The following SBF2 variants were observed in gnomAD, a reference collection of about 807,000 sequenced individuals.
SBF2 encodes the protein SET binding factor 2.
In SBF2, 112 loss-of-function variants were observed where a neutral mutation model predicts 225.2. That is an observed-to-expected ratio of 0.50 (90% CI 0.43 to 0.58). SBF2 has a LOEUF of 0.58. Ranked by LOEUF, SBF2 falls within the 20% of genes least tolerant of loss-of-function variation. SBF2 has a pLI of 0.00. For synonymous variants in SBF2, 763 were observed against 773.3 expected, an observed-to-expected ratio of 0.99 and a Z score of 0.22; for missense variants, 1,996 against 2,206.2, an observed-to-expected ratio of 0.90 and a Z score of 1.91.
chr11:10,192,978 C>A (rs962940220), intron 2 of SBF2, among the ~76,000 whole-genome samples: 1 of 152,164 alleles, frequency 6.6e-6, no homozygotes, highest in Non-Finnish European at 1.5e-5. Context: ...GGATCCACCA[C>A]CAGATAGAAT....
At chr11:10,159,206 G>A (rs529867188) in intron 2 of SBF2, among the ~76,000 whole-genome samples, 28 of 152,260 alleles carry the variant, frequency 1.8e-4, no homozygotes, top group Non-Finnish European at 3.4e-4. Flanking sequence ...CTTGGCGTAG[G>A]CTGAACTAAC....
At chr11:10,018,521 G>A (rs914835552) in intron 6 of SBF2, among the ~76,000 whole-genome samples, 1 of 152,090 alleles carries the variant, frequency 6.6e-6, no homozygotes, top group Non-Finnish European at 1.5e-5. Context: ...AAGGAAGAAC[G>A]ATACCTAATG....
At chr11:10,216,460 G>C (rs1351809618) in intron 1 of SBF2, among the ~76,000 whole-genome samples, 1 of 152,194 alleles carries the variant, frequency 6.6e-6, no homozygotes, top group Non-Finnish European at 1.5e-5. Context: ...CCTCTCTAAT[G>C]TAACTAGTTT....
At chr11:9,812,424 T>C (rs1854238241) in intron 30 of SBF2, 108 bp downstream of exon 30, 2 of 1,164,832 alleles carry the variant, frequency 1.7e-6, no homozygotes, top group Non-Finnish European at 2.5e-6. Flanking sequence ...GAGGAGAATG[T>C]TGGGGAGTAG....
chr11:10,092,332 TTTTA>T (rs1259491772), intron 2 of SBF2, among the ~76,000 whole-genome samples: 18 of 152,142 alleles, frequency 1.2e-4, no homozygotes, highest in Admixed American at 9.2e-4. Flanking sequence ...AATGGGTAAT[TTTTA>T]TTGTTATATT....
chr11:9,927,572 A>T (rs751590200), intron 16 of SBF2, among the ~76,000 whole-genome samples: 5 of 152,150 alleles, frequency 3.3e-5, no homozygotes, highest in Non-Finnish European at 5.9e-5. Flanking sequence ...ATAAAAAATT[A>T]AATAAAAAAA....
chr11:9,800,705 C>A (rs1362855824), intron 32 of SBF2, among the ~76,000 whole-genome samples: 1 of 151,700 alleles, frequency 6.6e-6, no homozygotes, highest in Admixed American at 6.6e-5. Flanking sequence ...CCGTGCCTGG[C>A]CAAAAAAAGT....
intron 1 of SBF2, among the ~76,000 whole-genome samples, chr11:10,300,537 A>G (rs1419839239): frequency 6.6e-6 from 1 of 151,366 alleles, no homozygotes; most frequent in East Asian, 1.9e-4. Context: ...ATATATACAT[A>G]TATAAAATAA....
intron 1 of SBF2, among the ~76,000 whole-genome samples, chr11:10,211,690 A>C (rs1957949386): frequency 6.6e-6 from 1 of 152,218 alleles, no homozygotes; most frequent in Non-Finnish European, 1.5e-5. Context: ...AAATCCCTAC[A>C]GACTAAATGA....
intron 2 of SBF2, among the ~76,000 whole-genome samples, chr11:10,093,764 T>G (rs1186727157): frequency 6.6e-6 from 1 of 152,222 alleles, no homozygotes; most frequent in Admixed American, 6.5e-5. Context: ...AATACCTTTG[T>G]GTACAGTAAA....
Position 10,294,201 on chromosome 11 carries a change from G to T in SBF2, c.-132C>A. On this transcript the variant is annotated 5_prime_UTR_variant, in exon 1 of 40. Transcript: ENST00000256190. Reference sequence around the variant, plus strand: ...CAGCGGCAGCGCTTCAGCCATGTTTGACAACCGAGGCGCGCTCTGCGCTTG... The same window carrying T: ...CAGCGGCAGCGCTTCAGCCATGTTTTACAACCGAGGCGCGCTCTGCGCTTG... 1.6e-6 allele frequency: 1 copy of T among 631,820 alleles called. No homozygotes were observed. The highest frequency in any genetic ancestry group is 6.0e-5 in the South Asian group (1 of 16,718). 39.1% of individuals were successfully genotyped at this position (631,820 alleles called of 1,614,324 possible). A position where few individuals can be genotyped will look rare whatever the true frequency, so the allele number is the denominator to read the frequency against.
chr11:9,829,605 T>G (rs1855266876), intron 27 of SBF2, 109 bp from the exon 28 acceptor site: 1 of 1,024,628 alleles, frequency 9.8e-7, no homozygotes, highest in South Asian at 1.4e-5. Flanking sequence ...TTTCTCTATA[T>G]AGTCTACAAG....
chr11:9,794,309 T>C (rs1015082873), intron 33 of SBF2, among the ~76,000 whole-genome samples: 1 of 152,122 alleles, frequency 6.6e-6, no homozygotes, highest in Non-Finnish European at 1.5e-5. Context: ...TCCCAATATT[T>C]GTACATGTTG....
chr11:9,804,548 C>A (rs1024110328), intron 32 of SBF2, among the ~76,000 whole-genome samples: 1 of 152,202 alleles, frequency 6.6e-6, no homozygotes. Flanking sequence ...AATCATGATA[C>A]AGAACAGTTT....
chr11:10,077,676 T>A (rs1951175313), intron 2 of SBF2, among the ~76,000 whole-genome samples: 2 of 152,084 alleles, frequency 1.3e-5, no homozygotes, highest in South Asian at 4.1e-4. Context: ...CATAAAACCA[T>A]TAAAAATCCT....
At chr11:9,868,366 A>AG (rs757161979) in intron 17 of SBF2, among the ~76,000 whole-genome samples, 12,265 of 114,386 alleles carry the variant, frequency 0.11, 1,264 homozygotes, top group Middle Eastern at 0.12. Flanking sequence ...AAAAAAAAAA[A>AG]AATTAGGCGG....
intron 1 of SBF2, among the ~76,000 whole-genome samples, chr11:10,260,229 T>G (rs1459260044): frequency 6.6e-6 from 1 of 152,224 alleles, no homozygotes; most frequent in Non-Finnish European, 1.5e-5. Context: ...TCAATAAGAC[T>G]ATTACTCATC....
rs543618260 is a variant in SBF2, at chr11:9,829,818, C to T, written c.3653-322G>A. 6.0e-4 allele frequency: 204 copies of T among 340,418 alleles called. 2 individuals carry two copies. The highest frequency in any genetic ancestry group is 4.9e-3 in the South Asian group (165 of 33,724). 21.1% of individuals were successfully genotyped at this position (340,418 alleles called of 1,614,324 possible). ...CTTGAAAGCACAGGGCATAGCTTCTCATTATCCAAGCAACTCAAAATGAAG... is the reference window on the plus strand; with the variant it reads ...CTTGAAAGCACAGGGCATAGCTTCTTATTATCCAAGCAACTCAAAATGAAG... On this transcript the variant is annotated intron_variant, in intron 27 of 39. Transcript: ENST00000256190.
intron 1 of SBF2, among the ~76,000 whole-genome samples, chr11:10,233,349 A>G (rs74992436): frequency 0.027 from 4,079 of 152,176 alleles, 334 homozygotes; most frequent in East Asian, 0.22. Context: ...GAAGAATTCT[A>G]TTCCTGTCTT....
Sources: allele counts gnomAD v4.1 joint callset (sites outside exome capture counted in the v4.1 genomes callset), GRCh38; gene constraint gnomAD v4.1.1; transcripts MANE v1.5; gene names NCBI Gene and HGNC (gene_info 2026-07-23, HGNC 2026-07-21).